NEBL: variants seen among roughly 807,000 people sequenced by gnomAD.
NEBL encodes nebulette, also known as LIM and SH3 protein 2.
In NEBL, 122 loss-of-function variants were observed where a neutral mutation model predicts 140.2. That is an observed-to-expected ratio of 0.87 (90% CI 0.75 to 1.01). The LOEUF is 1.01. NEBL is among the 50% of genes least tolerant of loss of function. The probability of loss-of-function intolerance (pLI) is 0.00; values close to 1 mark genes in which losing one functional copy is unlikely to be tolerated. For synonymous variants in NEBL, 436 were observed against 398.9 expected (o/e 1.09, Z -1.11); for missense variants, 1,365 against 1,231.3 (o/e 1.11, Z -1.62).
In NEBL at chr10:20,880,714, A is replaced by C. The variant is rs1437026465; in HGVS notation, c.480+80T>G. ...TTGAACAGGGCTGTTGTAATGTTTA[A>C]ATTTCAGCAAAATAAACATAAGCCC... On this transcript the variant is annotated intron_variant, in intron 5 of 27. Transcript: ENST00000377122. 15 of 1,074,390 alleles carry C rather than the reference A, an allele frequency of 1.4e-5. No individual in the cohort carries two copies. In the East Asian group the frequency reaches 3.3e-4, roughly 24 times the overall value. 66.6% of individuals were successfully genotyped at this position (1,074,390 alleles called of 1,614,324 possible).
chr10:21,215,939 G>A (rs1841986018), intron 3 of NEBL, among the ~76,000 whole-genome samples: 1 of 152,144 alleles, frequency 6.6e-6, no homozygotes, highest in Non-Finnish European at 1.5e-5. Context: ...CCAAAGTGCT[G>A]GAATTATAGG....
At chr10:21,064,692 T>C (rs186780937) in intron 2 of NEBL, among the ~76,000 whole-genome samples, 7 of 152,360 alleles carry the variant, frequency 4.6e-5, no homozygotes, top group Non-Finnish European at 8.8e-5. Context: ...GCCATGTTTT[T>C]ACCATATCAA....
At chr10:20,821,213 A>C (rs1167255912) in intron 19 of NEBL, among the ~76,000 whole-genome samples, 1 of 152,228 alleles carries the variant, frequency 6.6e-6, no homozygotes, top group East Asian at 1.9e-4. Flanking sequence ...CATAAGTTTG[A>C]TAGAATCTTC....
intron 2 of NEBL, among the ~76,000 whole-genome samples, chr10:21,059,952 T>C (rs1835200398): frequency 1.3e-5 from 2 of 152,224 alleles, no homozygotes; most frequent in African/African-American, 4.8e-5. Flanking sequence ...GGAAACTTGA[T>C]ATACAACAAT....
At chr10:21,105,587 T>C (rs139181160) in intron 2 of NEBL, among the ~76,000 whole-genome samples, 2,185 of 152,250 alleles carry the variant, frequency 0.014, 44 homozygotes, top group African/African-American at 0.05. Flanking sequence ...AGTCTATCAT[T>C]GATGGACATT....
Position 21,036,137 on chromosome 10 carries a change from TG to T in NEBL, c.165-15937del, listed in dbSNP as rs1834008049. On this transcript the variant is annotated intron_variant, in intron 2 of 6. Transcript: ENST00000417816. The stretch of plus-strand genomic sequence containing the variant: ...AAGATCACATCACTGCACTCCAGCC[TG>T]GGGGACACAGCTGGAGTCTCAAAAG... Among the ~76,000 whole-genome samples, 4 of 152,058 alleles carry T rather than the reference TG, an allele frequency of 2.6e-5. No homozygotes were observed. In the South Asian group the frequency reaches 8.3e-4, roughly 32 times the overall value.
chr10:21,154,105 A>G (rs56782629), intron 2 of NEBL, among the ~76,000 whole-genome samples: 6 of 152,142 alleles, frequency 3.9e-5, no homozygotes, highest in Non-Finnish European at 7.4e-5. Flanking sequence ...AACTTCTCAT[A>G]TTATTAATAC....
intron 2 of NEBL, among the ~76,000 whole-genome samples, chr10:21,160,055 C>T (rs1011251891): frequency 8.5e-5 from 13 of 152,114 alleles, no homozygotes; most frequent in African/African-American, 2.9e-4. Context: ...AGTATAGACC[C>T]AGAGAAAGAA....
Position 20,995,862 on chromosome 10 carries a change from A to G in NEBL, c.249+24255T>C, listed in dbSNP as rs1837646081. Among the ~76,000 whole-genome samples the G allele has an allele frequency of 2.0e-5, 3 of 152,154 alleles. No homozygotes were observed. The South Asian group carries it at 6.2e-4, about 32-fold the overall frequency. On this transcript the variant is annotated intron_variant, in intron 3 of 6. Coordinates refer to the NEBL transcript ENST00000417816. ...CTCTGAGCTAGATGTTGTGAGCAGCAATTCTTACTGCTGTACCCACCAACT... is the reference window on the plus strand; with the variant it reads ...CTCTGAGCTAGATGTTGTGAGCAGCGATTCTTACTGCTGTACCCACCAACT...
chr10:20,806,998 C>A (rs1588647602), intron 26 of NEBL, among the ~76,000 whole-genome samples: 1 of 152,236 alleles, frequency 6.6e-6, no homozygotes, highest in South Asian at 2.1e-4. Context: ...AGGAAGGACA[C>A]TGAGGGCATA....
At position 20,831,546 on chromosome 10, in the gene NEBL, C is replaced by T; in HGVS notation, c.1487G>A (p.Gly496Glu). The change falls in exon 15 of 28, where the codon GGG (glycine) becomes GAG (glutamate). Residue 496 changes from glycine (G) to glutamate (E), a missense_variant. Gly to Glu is a moderately conservative substitution (Grantham distance 98). Coordinates refer to ENST00000377122, the MANE Select transcript of NEBL (RefSeq NM_006393.3). Reference sequence around the variant, plus strand: ...GTCTGTGCTCACCTGCATCCCTTTCCCTTTAATTTCAGTCTCCAGATCTCT... The same window carrying T: ...GTCTGTGCTCACCTGCATCCCTTTCTCTTTAATTTCAGTCTCCAGATCTCT... The part of the protein sequence containing the change: ...YKRDLETEIK[G>E]KGMQVSTDTL... 6.2e-7 allele frequency: 1 copy of T among 1,612,010 alleles called. No individual in the cohort carries two copies. Among genetic ancestry groups the T allele is most frequent in the Non-Finnish European group, 8.5e-7 (1 of 1,178,876 alleles).
At chr10:21,268,949 C>T (rs914479759) in intron 1 of NEBL, among the ~76,000 whole-genome samples, 1 of 151,810 alleles carries the variant, frequency 6.6e-6, no homozygotes, top group African/African-American at 2.4e-5. Context: ...GTGTATAATC[C>T]CTAGAGCATA....
At chr10:21,168,969 A>G (rs1308704953) in intron 2 of NEBL, among the ~76,000 whole-genome samples, 1 of 148,226 alleles carries the variant, frequency 6.7e-6, no homozygotes, top group Non-Finnish European at 1.5e-5. Context: ...GAATGGCATG[A>G]ACCCAGGAGG....
At chr10:20,952,075 CTAAAG>C (rs1835499577) in intron 4 of NEBL, among the ~76,000 whole-genome samples, 1 of 152,140 alleles carries the variant, frequency 6.6e-6, no homozygotes, top group African/African-American at 2.4e-5. Context: ...TCACTACACT[CTAAAG>C]TATCTGTGTT....
chr10:20,859,301 A>C (rs554294709), intron 8 of NEBL, among the ~76,000 whole-genome samples: 1 of 152,084 alleles, frequency 6.6e-6, no homozygotes, highest in Non-Finnish European at 1.5e-5. Flanking sequence ...GAGGCATTAC[A>C]GTAAAATTTC....
chr10:21,085,596 C>CT (rs1246535346), intron 2 of NEBL, among the ~76,000 whole-genome samples: 2 of 152,190 alleles, frequency 1.3e-5, no homozygotes, highest in African/African-American at 2.4e-5. Context: ...GATCATGCCA[C>CT]TGTACTCCAG....
chr10:21,023,793 A>G (rs1350691667), intron 2 of NEBL, among the ~76,000 whole-genome samples: 1 of 152,198 alleles, frequency 6.6e-6, no homozygotes, highest in Non-Finnish European at 1.5e-5. Flanking sequence ...CTGTTAGAGG[A>G]GAGTGCAATT....
intron 1 of NEBL, among the ~76,000 whole-genome samples, chr10:21,261,875 G>T (rs150435594): frequency 6.6e-6 from 1 of 152,052 alleles, no homozygotes; most frequent in East Asian, 1.9e-4. Flanking sequence ...CTGCTGAGAC[G>T]TGCACACTCC....
Position 21,173,973 on chromosome 10 carries a change from G to T in NEBL, c.-140C>A, listed in dbSNP as rs1017480483. ...GGGCGCCGGGTAGGGAGTCGGCGCC[G>T]GGCCACGGGTGAGTGCACGGGGAGG... On this transcript the variant is annotated 5_prime_UTR_variant, in exon 1 of 7. Coordinates refer to the NEBL transcript ENST00000417816. This position sits in a 1 kb window ranked among gnomAD's most constrained non-coding sequence, Gnocchi z 5.7. 99 of 1,347,458 alleles carry T rather than the reference G, an allele frequency of 7.3e-5. No individual in the cohort carries two copies. Among genetic ancestry groups the T allele is most frequent in the Non-Finnish European group, 8.8e-5 (93 of 1,058,820 alleles). 83.5% of individuals were successfully genotyped at this position (1,347,458 alleles called of 1,614,324 possible).
Sources: allele counts gnomAD v4.1 joint callset (sites outside exome capture counted in the v4.1 genomes callset), GRCh38; gene constraint gnomAD v4.1.1; non-coding constraint Gnocchi (gnomAD v3.1); transcripts MANE v1.5; gene names NCBI Gene and HGNC (gene_info 2026-07-23, HGNC 2026-07-21).